The following UBAP1 variants were observed in gnomAD, a reference collection of about 807,000 sequenced individuals.
UBAP1 encodes the protein ubiquitin-associated protein 1.
A neutral mutation model predicts 39.0 loss-of-function variants in UBAP1; 5 were observed. The ratio of observed to expected loss-of-function variants is 0.13; its 90% CI spans 0.07 to 0.27. UBAP1 has a LOEUF of 0.27. Among genes scored for constraint, UBAP1 ranks in the 10% least tolerant of loss-of-function variants. The pLI, the probability that UBAP1 is intolerant of heterozygous loss-of-function variation, is 1.00. For synonymous variants in UBAP1, 211 were observed against 225.1 expected (o/e 0.94, Z 0.56); for missense variants, 490 against 608.1 (o/e 0.81, Z 2.04).
chr9:34,199,793 G>C (rs1013605803), intron 1 of UBAP1, among the ~76,000 whole-genome samples: 2 of 147,608 alleles, frequency 1.4e-5, no homozygotes, highest in Non-Finnish European at 3.0e-5. Context: ...GTGCCACCAT[G>C]CCTGGCTGAT....
At chr9:34,202,678 T>C (rs1440621252) in intron 1 of UBAP1, among the ~76,000 whole-genome samples, 2 of 138,980 alleles carry the variant, frequency 1.4e-5, no homozygotes, top group Non-Finnish European at 3.2e-5. Flanking sequence ...TGTGTGTGTG[T>C]CCCCGTCCCC....
chr9:34,225,729 G>A (rs1049696102), intron 2 of UBAP1, among the ~76,000 whole-genome samples: 9 of 147,520 alleles, frequency 6.1e-5, no homozygotes, highest in African/African-American at 2.3e-4. Context: ...GCAGTGAGCC[G>A]AGATCACACC....
intron 1 of UBAP1, among the ~76,000 whole-genome samples, chr9:34,200,862 G>A (rs1831329590): frequency 6.6e-6 from 1 of 151,598 alleles, no homozygotes; most frequent in Non-Finnish European, 1.5e-5. Context: ...GTTTATTTTT[G>A]CTTAATTGTG....
intron 2 of UBAP1, among the ~76,000 whole-genome samples, chr9:34,223,672 G>A (rs1189259785): frequency 6.6e-6 from 1 of 152,054 alleles, no homozygotes; most frequent in Non-Finnish European, 1.5e-5. Flanking sequence ...AGCCAGGATG[G>A]TCTCGATCTC....
chr9:34,199,319 C>T (rs1037569514), intron 1 of UBAP1, among the ~76,000 whole-genome samples: 11 of 152,158 alleles, frequency 7.2e-5, no homozygotes, highest in Non-Finnish European at 1.2e-4. Context: ...GTGATCCCCC[C>T]GCCTTGGCCT....
At chr9:34,251,194 C>A (rs1202196509) in intron 6 of UBAP1, among the ~76,000 whole-genome samples, 198 bp from the exon 7 acceptor site, 3 of 152,156 alleles carry the variant, frequency 2.0e-5, no homozygotes, top group African/African-American at 7.2e-5. Flanking sequence ...TGATGGCCGT[C>A]ACCAAACCCG....
chr9:34,222,980 A>C (rs1832841678), intron 2 of UBAP1, among the ~76,000 whole-genome samples: 1 of 152,242 alleles, frequency 6.6e-6, no homozygotes, highest in South Asian at 2.1e-4. Flanking sequence ...TTATTTCAAA[A>C]GATAGACTTT....
chr9:34,179,080 C>G lies in UBAP1; in HGVS notation c.-168C>G, dbSNP rs1026619089. 1 of 1,276,994 alleles carries G rather than the reference C, an allele frequency of 7.8e-7. No individual in the cohort carries two copies. Among genetic ancestry groups the G allele is most frequent in the Non-Finnish European group, 9.9e-7 (1 of 1,009,646 alleles). The allele number at this position is 1,276,994 out of a possible 1,614,324, so 79.1% of individuals were successfully genotyped here. On this transcript the variant is annotated 5_prime_UTR_variant, in exon 1 of 7. Coordinates refer to ENST00000297661, the MANE Select transcript of UBAP1 (RefSeq NM_016525.5). ...TTCAACATGGCGGCTGCGGCACTGG[C>G]GGTGGCTACGGTGACGGCCTGGCCC... is the stretch of plus-strand genomic sequence containing the variant.
chr9:34,196,958 C>T (rs1304964251), intron 1 of UBAP1, among the ~76,000 whole-genome samples: 2 of 149,370 alleles, frequency 1.3e-5, no homozygotes, highest in African/African-American at 4.9e-5. Flanking sequence ...GATGGAGTCT[C>T]ACTCTGTAAC....
In UBAP1 at chr9:34,251,523, A is replaced by G. The variant is rs776678082; in HGVS notation, c.1500A>G (p.Gly500=). Residue 500 remains glycine (G), a synonymous_variant, in exon 7 of 7, where the codon GGA becomes GGG. Transcript: ENST00000297661. ...TGGAAGACCTCATGGCTCGGGCAGG[A>G]GCCAGCTGAGACCAGGCCCTGCCTA... ...NALEDLMARA[G]AS is the part of the protein sequence containing the mutation. The G allele has an allele frequency of 1.9e-6, 3 of 1,613,992 alleles. No homozygotes were observed. The highest frequency in any genetic ancestry group is 2.5e-6 in the Non-Finnish European group (3 of 1,179,974).
intron 6 of UBAP1, 25 bp from the exon 7 acceptor site, chr9:34,251,367 A>G: frequency 6.2e-7 from 1 of 1,613,036 alleles, no homozygotes; most frequent in Non-Finnish European, 8.5e-7. Context: ...CTTTTCTTTA[A>G]TCTGTGTTCT....
chr9:34,182,616 CTTCTTTCTTTCT>C (rs61297759), intron 1 of UBAP1, among the ~76,000 whole-genome samples: 3,060 of 110,620 alleles, frequency 0.028, 107 homozygotes, highest in African/African-American at 0.073. Context: ...TCTTTCTTTC[CTTCTTTCTTTCT>C]TTCTTTCTTT....
chr9:34,233,225 CTTT>C (rs59367501), intron 2 of UBAP1, among the ~76,000 whole-genome samples: 1 of 141,900 alleles, frequency 7.0e-6, no homozygotes, highest in Non-Finnish European at 1.5e-5. Context: ...TCTTTCTCTT[CTTT>C]TTTTTTTTTT....
chr9:34,248,264 G>C (rs530958374), intron 4 of UBAP1, among the ~76,000 whole-genome samples: 1 of 152,198 alleles, frequency 6.6e-6, no homozygotes, highest in East Asian at 1.9e-4. Flanking sequence ...TCAAACTCCT[G>C]ACCTCATGAT....
intron 1 of UBAP1, among the ~76,000 whole-genome samples, chr9:34,181,404 C>G (rs1439790257): frequency 6.6e-6 from 1 of 151,338 alleles, no homozygotes; most frequent in Non-Finnish European, 1.5e-5. Flanking sequence ...GCGTGAGCCA[C>G]CGCGCCCGGC....
intron 3 of UBAP1, among the ~76,000 whole-genome samples, chr9:34,237,898 T>C (rs1274734468): frequency 3.3e-5 from 5 of 152,142 alleles, no homozygotes; most frequent in African/African-American, 1.2e-4. Flanking sequence ...ATACATACAG[T>C]TCAGTGATTT....
At chr9:34,243,813 C>T (rs1834083606) in intron 4 of UBAP1, among the ~76,000 whole-genome samples, 1 of 151,034 alleles carries the variant, frequency 6.6e-6, no homozygotes, top group African/African-American at 2.4e-5. Context: ...CTATAATCAC[C>T]CTGTTGTCTT....
chr9:34,210,944 T>C (rs1831986930), intron 1 of UBAP1, among the ~76,000 whole-genome samples: 1 of 152,082 alleles, frequency 6.6e-6, no homozygotes, highest in Non-Finnish European at 1.5e-5. Flanking sequence ...ATTTTTATAA[T>C]AAGAATCATT....
chr9:34,250,032 G>C, intron 5 of UBAP1, 71 bp downstream of exon 5: 1 of 1,527,474 alleles, frequency 6.5e-7, no homozygotes, highest in Non-Finnish European at 9.0e-7. Context: ...CCCTGTCCTA[G>C]AGCCCCTCAG....
Sources: allele counts gnomAD v4.1 joint callset (sites outside exome capture counted in the v4.1 genomes callset), GRCh38; gene constraint gnomAD v4.1.1; transcripts MANE v1.5; gene names NCBI Gene and HGNC (gene_info 2026-07-23, HGNC 2026-07-21).